SPAG16: variants seen among roughly 807,000 people sequenced by gnomAD.
SPAG16 encodes the protein sperm-associated antigen 16 protein.
A neutral mutation model predicts 80.4 loss-of-function variants in SPAG16; 86 were observed. The observed-to-expected ratio is 1.07, with a 90% CI of 0.90 to 1.28. The LOEUF is 1.28. SPAG16 is among the 50% of genes most tolerant of loss of function. The pLI is 0.00. For synonymous variants in SPAG16, 294 were observed against 265.9 expected, an observed-to-expected ratio of 1.11 and a Z score of -1.03; for missense variants, 870 against 765.3, an observed-to-expected ratio of 1.14 and a Z score of -1.61.
At chr2:214,256,642 AAAC>A (rs565397319) in intron 15 of SPAG16, among the ~76,000 whole-genome samples, 32 of 152,068 alleles carry the variant, frequency 2.1e-4, no homozygotes, top group East Asian at 9.7e-4. Flanking sequence ...ACAAACAAAC[AAAC>A]AACAACAACA....
chr2:213,522,088 G>A (rs759270844), intron 10 of SPAG16, among the ~76,000 whole-genome samples: 3 of 152,178 alleles, frequency 2.0e-5, no homozygotes, highest in Admixed American at 1.3e-4. Context: ...AAGATCTATA[G>A]CATTGCTATC....
Position 214,003,207 on chromosome 2 carries a change from T to A in SPAG16, c.1401-10744T>A, listed in dbSNP as rs190575051. ...CAGTTAATATATTTAAAAATGTTTC[T>A]AATCCACAGAAATGGACTTATCTGA... On this transcript the variant is annotated intron_variant, in intron 12 of 15. Coordinates refer to ENST00000331683, the MANE Select transcript of SPAG16 (RefSeq NM_024532.5). Among the ~76,000 whole-genome samples the A allele has an allele frequency of 3.9e-5, 6 of 152,350 alleles. No individual in the cohort carries two copies. In the East Asian group the frequency reaches 9.6e-4, roughly 24 times the overall value.
rs1553686631 is a variant in SPAG16, at chr2:213,980,725, TAGAG to T, written c.1401-33195_1401-33192del. Among the ~76,000 whole-genome samples, 366 of 103,968 alleles carry T rather than the reference TAGAG, an allele frequency of 3.5e-3. 4 individuals carry two copies. The highest frequency in any genetic ancestry group is 9.7e-3 in the East Asian group (34 of 3,488). 68.2% of individuals were successfully genotyped at this position (103,968 alleles called of 152,430 possible). ...GTGTGTGTGTGTGTATATATATATA[TAGAG>T]AGAGAGAGAGAGAGAGAGAGAGAGA... On this transcript the variant is annotated intron_variant, in intron 12 of 15. Coordinates refer to ENST00000331683, the MANE Select transcript of SPAG16 (RefSeq NM_024532.5).
chr2:213,863,332 A>G (rs1310366479), intron 11 of SPAG16, among the ~76,000 whole-genome samples: 1 of 151,848 alleles, frequency 6.6e-6, no homozygotes, highest in Non-Finnish European at 1.5e-5. Flanking sequence ...GCTTTTCTAA[A>G]CCATTCTTTT....
intron 10 of SPAG16, among the ~76,000 whole-genome samples, chr2:213,580,028 G>A (rs2060251066): frequency 1.3e-5 from 2 of 152,060 alleles, no homozygotes; most frequent in Admixed American, 6.6e-5. Flanking sequence ...AGTAGAAGTA[G>A]GAAGGTCACT....
intron 9 of SPAG16, among the ~76,000 whole-genome samples, chr2:213,377,513 C>T (rs2066936563): frequency 6.6e-6 from 1 of 152,148 alleles, no homozygotes; most frequent in Non-Finnish European, 1.5e-5. Flanking sequence ...AACACAAATG[C>T]TCCACATTTA....
intron 15 of SPAG16, among the ~76,000 whole-genome samples, chr2:214,342,337 G>A (rs1402684738): frequency 6.6e-6 from 1 of 152,176 alleles, no homozygotes; most frequent in African/African-American, 2.4e-5. Flanking sequence ...AGCAAGTGAA[G>A]CTTCATCTGT....
At chr2:213,676,059 C>A (rs1382134337) in intron 10 of SPAG16, among the ~76,000 whole-genome samples, 1 of 152,092 alleles carries the variant, frequency 6.6e-6, no homozygotes, top group African/African-American at 2.4e-5. Flanking sequence ...TCTTTTATTT[C>A]ACTGAGCAGT....
intron 10 of SPAG16, among the ~76,000 whole-genome samples, chr2:213,807,551 A>G (rs745763345): frequency 6.6e-6 from 1 of 152,160 alleles, no homozygotes; most frequent in Non-Finnish European, 1.5e-5. Context: ...TGGGCTAGGC[A>G]CAATGTTTTA....
chr2:214,139,625 C>T (rs1371280532), intron 14 of SPAG16, among the ~76,000 whole-genome samples: 1 of 152,104 alleles, frequency 6.6e-6, no homozygotes. Flanking sequence ...GCTTCAGCTT[C>T]CTTCAACAAA....
intron 13 of SPAG16, among the ~76,000 whole-genome samples, chr2:214,059,035 A>G (rs1044863480): frequency 1.3e-5 from 2 of 151,670 alleles, no homozygotes; most frequent in African/African-American, 2.4e-5. Flanking sequence ...CTGACCAGTC[A>G]GTACAATGGT....
At chr2:213,372,228 G>T (rs2066678797) in intron 8 of SPAG16, among the ~76,000 whole-genome samples, 1 of 151,890 alleles carries the variant, frequency 6.6e-6, no homozygotes, top group East Asian at 1.9e-4. Flanking sequence ...CAATTTCAGT[G>T]CAGTAATGCC....
At chr2:214,003,602 A>G (rs2046895282) in intron 12 of SPAG16, among the ~76,000 whole-genome samples, 1 of 152,194 alleles carries the variant, frequency 6.6e-6, no homozygotes, top group African/African-American at 2.4e-5. Flanking sequence ...GTTATATTCT[A>G]TAAAGTCACC....
chr2:213,344,702 C>A (rs1419875253), intron 6 of SPAG16, among the ~76,000 whole-genome samples: 2 of 152,180 alleles, frequency 1.3e-5, no homozygotes, highest in East Asian at 3.9e-4. Context: ...CTACAAAGGA[C>A]ATGAACTCAT....
chr2:213,616,463 CA>C (rs2061601256), intron 10 of SPAG16, among the ~76,000 whole-genome samples: 1 of 152,178 alleles, frequency 6.6e-6, no homozygotes. Flanking sequence ...AGCATAGCTA[CA>C]ATCGCTGTTA....
chr2:213,812,456 G>C (rs1403075385), intron 10 of SPAG16, among the ~76,000 whole-genome samples: 1 of 152,134 alleles, frequency 6.6e-6, no homozygotes, highest in African/African-American at 2.4e-5. Flanking sequence ...AAATCTAATA[G>C]GTTATTACAA....
chr2:213,346,633 A>G (rs1226761752), intron 6 of SPAG16, among the ~76,000 whole-genome samples: 2 of 152,180 alleles, frequency 1.3e-5, no homozygotes, highest in African/African-American at 2.4e-5. Context: ...CTCTAATGAG[A>G]TAATCCTATG....
At chr2:214,347,221 C>G (rs996689219) in intron 15 of SPAG16, among the ~76,000 whole-genome samples, 1 of 152,040 alleles carries the variant, frequency 6.6e-6, no homozygotes. Context: ...TGTCAATGTA[C>G]CTAATAAACT....
chr2:214,153,980 C>A (rs1411529696), intron 15 of SPAG16, among the ~76,000 whole-genome samples: 1 of 151,990 alleles, frequency 6.6e-6, no homozygotes, highest in African/African-American at 2.4e-5. Context: ...ATTTATATCC[C>A]AAGTATTTGT....
Sources: gnomAD v4.1 joint callset for allele counts (sites outside exome capture counted in the v4.1 genomes callset) on GRCh38, gnomAD v4.1.1 for gene constraint, MANE v1.5 for transcripts, NCBI Gene and HGNC (gene_info 2026-07-23, HGNC 2026-07-21) for gene names.